Variants in CD9 observed in about 807,000 individuals in gnomAD.
CD9 encodes the protein CD9 antigen.
CD9 carries 10 observed loss-of-function variants against 31.4 expected under a neutral mutation model. That is an observed-to-expected ratio of 0.32 (90% CI 0.20 to 0.54). The LOEUF is 0.54. CD9 is among the 20% of genes least tolerant of loss of function. The pLI is 0.94. For missense variants in CD9, 259 were observed against 300.1 expected, an observed-to-expected ratio of 0.86 and a Z score of 1.01; for synonymous variants, 113 against 114.1, an observed-to-expected ratio of 0.99 and a Z score of 0.06.
At chr12:6,211,796 C>T (rs1452527477) in intron 1 of CD9, among the ~76,000 whole-genome samples, 1 of 152,214 alleles carries the variant, frequency 6.6e-6, no homozygotes, top group African/African-American at 2.4e-5. Flanking sequence ...CCAGTGTATG[C>T]TACGCGTCTG....
chr12:6,210,513 G>A (rs999554261), intron 1 of CD9, among the ~76,000 whole-genome samples: 2 of 152,216 alleles, frequency 1.3e-5, no homozygotes, highest in African/African-American at 4.8e-5. Context: ...GAGGCCAGGT[G>A]TAGGTGGCAT....
At chr12:6,221,170 C>T (rs1946288067) in intron 1 of CD9, among the ~76,000 whole-genome samples, 1 of 152,186 alleles carries the variant, frequency 6.6e-6, no homozygotes, top group African/African-American at 2.4e-5. Context: ...GAAAAAATGA[C>T]CCTTTTCCTC....
intron 1 of CD9, among the ~76,000 whole-genome samples, chr12:6,219,156 C>G (rs750891508): frequency 1.3e-5 from 2 of 152,142 alleles, no homozygotes; most frequent in Non-Finnish European, 1.5e-5. Context: ...CAGGCACACA[C>G]CACCACGCCC....
chr12:6,235,978 C>G, intron 6 of CD9: 2 of 1,417,144 alleles, frequency 1.4e-6, no homozygotes, highest in African/African-American at 1.4e-5. Context: ...CCTTCCCTGA[C>G]GTCCTGCCCA....
intron 1 of CD9, among the ~76,000 whole-genome samples, chr12:6,219,632 C>T (rs1946274168): frequency 2.6e-5 from 4 of 152,030 alleles, no homozygotes; most frequent in African/African-American, 7.2e-5. Context: ...ACTACAGGCA[C>T]CCGCCACCAC....
intron 1 of CD9, chr12:6,225,164 G>A (rs1946346445): frequency 8.1e-6 from 4 of 495,160 alleles, no homozygotes; most frequent in Admixed American, 3.7e-5. Flanking sequence ...TTTCACTGCT[G>A]TATAGTGTTC....
chr12:6,213,692 T>C (rs1264814706), intron 1 of CD9, among the ~76,000 whole-genome samples: 1 of 152,264 alleles, frequency 6.6e-6, no homozygotes, highest in East Asian at 1.9e-4. Context: ...AGAGCCACGG[T>C]CACCATTGCT....
Position 6,237,856 on chromosome 12 carries a change from GT to G in CD9, c.*31del. The G allele has an allele frequency of 6.5e-7, 1 of 1,547,574 alleles. No individual in the cohort carries two copies. The highest frequency in any genetic ancestry group is 8.9e-7 in the Non-Finnish European group (1 of 1,120,680). ...TCAGCTTACATCCCTGAGCAGGAAA[GT>G]TTACCCATGAAGATTGGTGGGATTT... is the stretch of plus-strand genomic sequence containing the variant. On this transcript the variant is annotated 3_prime_UTR_variant, in exon 8 of 8. Transcript: ENST00000009180.
At chr12:6,228,151 A>G (rs1230357985) in intron 2 of CD9, among the ~76,000 whole-genome samples, 2 of 152,220 alleles carry the variant, frequency 1.3e-5, no homozygotes, top group Non-Finnish European at 2.9e-5. Flanking sequence ...GCGACACCCC[A>G]TTCGGGGAAG....
chr12:6,200,627 C>T, intron 1 of CD9, 62 bp downstream of exon 1: 1 of 1,171,452 alleles, frequency 8.5e-7, no homozygotes. Flanking sequence ...GCCCCGGACA[C>T]TGGCCGCGGC....
intron 2 of CD9, among the ~76,000 whole-genome samples, chr12:6,231,858 A>T (rs865842467): frequency 6.6e-6 from 1 of 152,160 alleles, no homozygotes; most frequent in Non-Finnish European, 1.5e-5. Flanking sequence ...AGATCTTTTG[A>T]AATTTCCAGG....
intron 1 of CD9, among the ~76,000 whole-genome samples, chr12:6,218,568 C>T (rs759581538): frequency 2.0e-5 from 3 of 152,214 alleles, no homozygotes; most frequent in Non-Finnish European, 4.4e-5. Flanking sequence ...GCACACTTGG[C>T]ATAGAGTCCC....
intron 4 of CD9, among the ~76,000 whole-genome samples, chr12:6,234,974 A>G (rs1455084389): frequency 6.6e-6 from 1 of 152,210 alleles, no homozygotes; most frequent in Non-Finnish European, 1.5e-5. Context: ...GTAGAGCTGA[A>G]GGACTGACCA....
rs998959082 is a variant in CD9, at chr12:6,235,753, G to A, written c.537+188G>A. ...TTTACTCAAGGGCAATAAAACAAAG[G>A]CCGGACCAGGGGAATGACAAGTGTT... On this transcript the variant is annotated intron_variant, in intron 6 of 7. Transcript: ENST00000009180. 1.1e-5 allele frequency: 15 copies of A among 1,408,254 alleles called. No homozygotes were observed. In the South Asian group the frequency reaches 2.3e-4, roughly 22 times the overall value. 87.2% of individuals were successfully genotyped at this position (1,408,254 alleles called of 1,614,324 possible).
intron 1 of CD9, among the ~76,000 whole-genome samples, chr12:6,219,248 C>T (rs1011678892): frequency 1.3e-5 from 2 of 152,158 alleles, no homozygotes; most frequent in Admixed American, 6.6e-5. Flanking sequence ...TCAAGTGATC[C>T]GCCTGCCTTG....
At chr12:6,225,365 C>T (rs1270912835) in intron 1 of CD9, 61 bp from the exon 2 acceptor site, 27 of 1,093,426 alleles carry the variant, frequency 2.5e-5, no homozygotes, top group East Asian at 7.1e-5. Flanking sequence ...CCCTTAAGCG[C>T]GTGGGGACTG....
intron 2 of CD9, among the ~76,000 whole-genome samples, chr12:6,229,067 A>G (rs938325204): frequency 3.9e-5 from 6 of 152,346 alleles, no homozygotes; most frequent in South Asian, 2.1e-4. Context: ...CTTCTCTCCA[A>G]TCCAGGCCTG....
intron 1 of CD9, among the ~76,000 whole-genome samples, chr12:6,210,222 T>C (rs887451432): frequency 6.6e-6 from 1 of 152,334 alleles, no homozygotes; most frequent in East Asian, 1.9e-4. Flanking sequence ...GGGGCTGTTT[T>C]CACGGGGGAT....
At chr12:6,224,545 C>T (rs1297974270) in intron 1 of CD9, among the ~76,000 whole-genome samples, 1 of 152,194 alleles carries the variant, frequency 6.6e-6, no homozygotes, top group Non-Finnish European at 1.5e-5. Context: ...CTCCTGGAGC[C>T]GAGAACCAAG....
Sources: gnomAD v4.1 joint callset for allele counts (sites outside exome capture counted in the v4.1 genomes callset) on GRCh38, gnomAD v4.1.1 for gene constraint, MANE v1.5 for transcripts, NCBI Gene and HGNC (gene_info 2026-07-23, HGNC 2026-07-21) for gene names.